Variants in PIGU observed in about 807,000 individuals in gnomAD.
The protein encoded by PIGU is GPI-anchor transamidase component PIGU.
Under a neutral mutation model 49.9 loss-of-function variants are expected in PIGU, and 24 were observed. The observed-to-expected ratio is 0.48, with a 90% CI of 0.35 to 0.68. The LOEUF is 0.68. Among genes scored for constraint, PIGU ranks in the 30% least tolerant of loss-of-function variants. PIGU has a pLI of 0.01. For missense variants in PIGU, 490 were observed against 532.6 expected, an observed-to-expected ratio of 0.92 and a Z score of 0.79; for synonymous variants, 220 against 205.7, an observed-to-expected ratio of 1.07 and a Z score of -0.59.
intron 6 of PIGU, among the ~76,000 whole-genome samples, chr20:34,631,781 ATATATTTTTTTTTTTTTTTTTT>A (rs1985779640): frequency 4.9e-4 from 1 of 2,024 alleles, no homozygotes; most frequent in Non-Finnish European, 7.7e-4. Context: ...ATATATATAT[ATATATTTTTTTTTTTTTTTTTT>A]TTTTTTTTTT....
In PIGU at chr20:34,671,418, C is replaced by A. The variant is rs146907281; in HGVS notation, c.130+5538G>T. ...CTGGGATTACAGTCATGCACCACCA[C>A]GTCCGGCTAATTTTGTATTTTTTTA... On this transcript the variant is annotated intron_variant, in intron 1 of 11. Coordinates refer to ENST00000217446, the MANE Select transcript of PIGU (RefSeq NM_080476.5). 2.6e-3 allele frequency among the ~76,000 whole-genome samples: 393 copies of A among 152,098 alleles called. 1 individual carries two copies. The highest frequency in any genetic ancestry group is 9.1e-3 in the African/African-American group (377 of 41,520).
intron 5 of PIGU, among the ~76,000 whole-genome samples, chr20:34,635,943 A>C (rs895201437): frequency 6.6e-6 from 1 of 152,064 alleles, no homozygotes; most frequent in Non-Finnish European, 1.5e-5. Flanking sequence ...CTGTAATCCC[A>C]GCACTTTGGG....
rs75022597 is a variant in PIGU, at chr20:34,570,273, C to T, written c.1194+4831G>A. The stretch of plus-strand genomic sequence containing the variant: ...ACACACATACCCACATACAAATAAG[C>T]CTCTCTCTCCATGAGCCTATGAGTT... On this transcript the variant is annotated intron_variant, in intron 11 of 11. Transcript: ENST00000217446. Among the ~76,000 whole-genome samples, 348 of 152,278 alleles carry T rather than the reference C, an allele frequency of 2.3e-3. 1 individual carries two copies. The highest frequency in any genetic ancestry group is 3.4e-3 in the Middle Eastern group (1 of 294).
chr20:34,653,216 G>A (rs1451935465), intron 2 of PIGU, among the ~76,000 whole-genome samples: 6 of 152,040 alleles, frequency 3.9e-5, no homozygotes, highest in East Asian at 1.9e-4. Flanking sequence ...CAATCTACCC[G>A]CCTTGGCCTC....
intron 6 of PIGU, among the ~76,000 whole-genome samples, chr20:34,630,247 T>C (rs1985656402): frequency 6.6e-6 from 1 of 152,066 alleles, no homozygotes; most frequent in African/African-American, 2.4e-5. Flanking sequence ...TGGAGAAAGC[T>C]AACTAAGGGC....
chr20:34,591,777 A>C (rs1321550011), intron 7 of PIGU, among the ~76,000 whole-genome samples: 2 of 152,240 alleles, frequency 1.3e-5, no homozygotes, highest in African/African-American at 4.8e-5. Flanking sequence ...TAAAAAATTA[A>C]AACACTTTTC....
At chr20:34,631,721 CCATATATATATATATATATATA>C (rs1985720648) in intron 6 of PIGU, among the ~76,000 whole-genome samples, 8 of 46,152 alleles carry the variant, frequency 1.7e-4, no homozygotes, top group African/African-American at 4.2e-4. Context: ...GTCCGGCTAA[CCATATATATATATATATATATA>C]TATATATATA....
intron 2 of PIGU, among the ~76,000 whole-genome samples, chr20:34,651,927 G>GA (rs1986551338): frequency 1.3e-5 from 2 of 151,876 alleles, no homozygotes; most frequent in African/African-American, 4.8e-5. Flanking sequence ...AACAAAGTGA[G>GA]ACCCCCCCCA....
Position 34,585,489 on chromosome 20 carries a change from C to T in PIGU, c.874G>A (p.Val292Met). 1 of 1,613,924 alleles carries T rather than the reference C, an allele frequency of 6.2e-7. No homozygotes were observed. Among genetic ancestry groups the T allele is most frequent in the Admixed American group, 1.7e-5 (1 of 60,020 alleles). ...TAGAAGAAGACGTTGATCTGAAACA[C>T]ACATACAAAGAAGAGGCTGAAGTGC... Reference protein sequence around the residue: ...FEHFSLFFVCVFQINVFFYTI... With the variant: ...FEHFSLFFVCMFQINVFFYTI... Residue 292 changes from valine (V) to methionine (M), a missense_variant, in exon 9 of 12, where the codon GTG becomes ATG. Coordinates refer to ENST00000217446, the MANE Select transcript of PIGU (RefSeq NM_080476.5).
rs200696090 is a variant in PIGU, at chr20:34,632,372, CT to C, written c.529+2242del. Among the ~76,000 whole-genome samples, 351 of 143,834 alleles carry C rather than the reference CT, an allele frequency of 2.4e-3. 2 individuals carry two copies. Among genetic ancestry groups the C allele is most frequent in the Admixed American group, 6.5e-3 (93 of 14,354 alleles). 94.4% of individuals were successfully genotyped at this position (143,834 alleles called of 152,430 possible). A position where few individuals can be genotyped will look rare whatever the true frequency, so the allele number is the denominator to read the frequency against. On this transcript the variant is annotated intron_variant, in intron 6 of 11. Coordinates refer to ENST00000217446, the MANE Select transcript of PIGU (RefSeq NM_080476.5). Reference sequence around the variant, plus strand: ...ACTCAAAATATATATCTCATATACCCTTTTTTTTTTTTTTGAGACGGAGTCT... The same window carrying C: ...ACTCAAAATATATATCTCATATACCCTTTTTTTTTTTTTGAGACGGAGTCT...
chr20:34,573,489 A>AT (rs1449928720), intron 11 of PIGU, among the ~76,000 whole-genome samples: 1 of 152,196 alleles, frequency 6.6e-6, no homozygotes, highest in Non-Finnish European at 1.5e-5. Flanking sequence ...AGTTCCATGG[A>AT]TGCTTCATAA....
At chr20:34,658,948 G>A (rs1370567489) in intron 1 of PIGU, among the ~76,000 whole-genome samples, 5 of 149,856 alleles carry the variant, frequency 3.3e-5, no homozygotes, top group South Asian at 2.1e-4. Context: ...GGAGGGAGGC[G>A]GAGGGGTCAG....
At chr20:34,581,815 G>T in intron 9 of PIGU, 143 bp from the exon 10 acceptor site, 1 of 1,144,006 alleles carries the variant, frequency 8.7e-7, no homozygotes, top group Non-Finnish European at 1.2e-6. Context: ...CAAGGCATGG[G>T]CCAGGCCCCA....
At chr20:34,589,434 AC>A (rs1288005658) in intron 7 of PIGU, among the ~76,000 whole-genome samples, 4 of 152,178 alleles carry the variant, frequency 2.6e-5, no homozygotes, top group African/African-American at 9.7e-5. Flanking sequence ...GCTCACTGCA[AC>A]CTCTGCCTCC....
At chr20:34,623,092 A>G (rs1197230106) in intron 6 of PIGU, among the ~76,000 whole-genome samples, 11 of 152,066 alleles carry the variant, frequency 7.2e-5, no homozygotes, top group African/African-American at 1.4e-4. Flanking sequence ...GGCCATGGGG[A>G]CTGGTTCAGG....
intron 6 of PIGU, among the ~76,000 whole-genome samples, chr20:34,620,273 C>A (rs1985156031): frequency 6.6e-6 from 1 of 152,228 alleles, no homozygotes; most frequent in African/African-American, 2.4e-5. Context: ...CTACACTGGA[C>A]TATTCCCAAT....
intron 1 of PIGU, among the ~76,000 whole-genome samples, chr20:34,664,256 T>C (rs777994579): frequency 6.6e-6 from 1 of 152,090 alleles, no homozygotes; most frequent in Non-Finnish European, 1.5e-5. Context: ...GCTCAAGTGA[T>C]CCTCCCACCC....
intron 7 of PIGU, among the ~76,000 whole-genome samples, chr20:34,606,543 G>A (rs978357176): frequency 6.6e-6 from 1 of 151,974 alleles, no homozygotes; most frequent in Non-Finnish European, 1.5e-5. Context: ...CATTGAACTC[G>A]TTCCTCTGCT....
At chr20:34,632,307 G>A (rs923063259) in intron 6 of PIGU, among the ~76,000 whole-genome samples, 1 of 151,810 alleles carries the variant, frequency 6.6e-6, no homozygotes, top group Admixed American at 6.6e-5. Flanking sequence ...TATTAATTTG[G>A]TGCTAAACCA....
Sources: allele counts gnomAD v4.1 joint callset (sites outside exome capture counted in the v4.1 genomes callset), GRCh38; gene constraint gnomAD v4.1.1; transcripts MANE v1.5; gene names NCBI Gene and HGNC (gene_info 2026-07-23, HGNC 2026-07-21).